MXRA7: variants seen among roughly 807,000 people sequenced by gnomAD.
The protein encoded by MXRA7 is matrix-remodeling-associated protein 7.
In MXRA7, 18 loss-of-function variants were observed where a neutral mutation model predicts 17.4. The ratio of observed to expected loss-of-function variants is 1.03; its 90% CI spans 0.71 to 1.53. The LOEUF (loss-of-function observed/expected upper bound fraction) is 1.53, where lower values mean the gene tolerates loss of function less well. MXRA7 is among the 40% of genes most tolerant of loss of function. The pLI is 0.00. For synonymous variants in MXRA7, 70 were observed against 101.7 expected, an observed-to-expected ratio of 0.69 and a Z score of 1.87; for missense variants, 141 against 209.3, an observed-to-expected ratio of 0.67 and a Z score of 2.01.
At chr17:76,683,064 C>T (rs766591793) in intron 3 of MXRA7, among the ~76,000 whole-genome samples, 10 of 152,330 alleles carry the variant, frequency 6.6e-5, no homozygotes, top group South Asian at 4.1e-4. Flanking sequence ...CACCCCCAGC[C>T]GGAGGCCTGG....
chr17:76,710,740 C>T lies in MXRA7; in HGVS notation c.207G>A (p.Ala69=). The change falls in exon 1 of 4, where the codon GCG becomes GCA. Residue 69 remains alanine, a synonymous_variant. Coordinates refer to ENST00000449428, the MANE Select transcript of MXRA7 (RefSeq NM_198530.4). ...CGGGCTCTCCAGGCTCCTCCGGCCC[C>T]GCGGGCGAGGCCGCCGGCTCGGGGG... ...PCAPEPAASP[A]GPEEPGEPAG... The T allele has an allele frequency of 8.9e-7, 1 of 1,120,620 alleles. No individual in the cohort carries two copies. Among genetic ancestry groups the T allele is most frequent in the Non-Finnish European group, 1.1e-6 (1 of 907,688 alleles). 69.4% of individuals were successfully genotyped at this position (1,120,620 alleles called of 1,614,324 possible).
At chr17:76,685,675 G>A (rs1418094064) in intron 2 of MXRA7, among the ~76,000 whole-genome samples, 1 of 152,260 alleles carries the variant, frequency 6.6e-6, no homozygotes, top group Non-Finnish European at 1.5e-5. Flanking sequence ...GTGTACCGCT[G>A]AAGAGGCAGA....
At chr17:76,699,254 T>TC (rs1008893385) in intron 1 of MXRA7, among the ~76,000 whole-genome samples, 1 of 150,816 alleles carries the variant, frequency 6.6e-6, no homozygotes, top group Non-Finnish European at 1.5e-5. Flanking sequence ...TAAGCAACCC[T>TC]CCCCCCTCAG....
chr17:76,710,576 G>C, intron 1 of MXRA7, 29 bp downstream of exon 1: 1 of 1,275,090 alleles, frequency 7.8e-7, no homozygotes, highest in Non-Finnish European at 9.9e-7. Context: ...CGGGGGTGGG[G>C]AGGGGGCCGC....
rs550675406 is a variant in MXRA7 at position 76,681,968 on chromosome 17, G to C, written c.501-1089C>G. Among the ~76,000 whole-genome samples the C allele has an allele frequency of 5.3e-5, 8 of 152,324 alleles. No individual in the cohort carries two copies. The highest frequency in any genetic ancestry group is 4.6e-4 in the Admixed American group (7 of 15,304). ...AGAGGCATGAAGTGTGTGAAACTCC[G>C]GCCCGAGGGGAGAGCTGAGGAGGCG... is the stretch of plus-strand genomic sequence containing the variant. On this transcript the variant is annotated intron_variant, in intron 3 of 3. Coordinates refer to ENST00000449428, the MANE Select transcript of MXRA7 (RefSeq NM_198530.4). The surrounding 1 kb of genome is among the most constrained non-coding windows in gnomAD (Gnocchi z 4.7).
In MXRA7 at chr17:76,683,553, C is replaced by T. The variant is rs571178731; in HGVS notation, c.500+1519G>A. On this transcript the variant is annotated intron_variant, in intron 3 of 3. Coordinates refer to ENST00000449428, the MANE Select transcript of MXRA7 (RefSeq NM_198530.4). Reference sequence around the variant, plus strand: ...TCCGAAGCCTGAGGTCCCAGGGTGACAGTTCCCCCAGCCTTGCGAGGGGGC... The same window carrying T: ...TCCGAAGCCTGAGGTCCCAGGGTGATAGTTCCCCCAGCCTTGCGAGGGGGC... Among the ~76,000 whole-genome samples the T allele has an allele frequency of 3.3e-5, 5 of 152,306 alleles. 1 individual carries two copies. In the South Asian group the frequency reaches 1.0e-3, roughly 32 times the overall value.
At chr17:76,703,688 T>C (rs1307450557) in intron 1 of MXRA7, 2 of 151,272 alleles carry the variant, frequency 1.3e-5, no homozygotes, top group African/African-American at 2.4e-5. Flanking sequence ...GTGACACTAA[T>C]GTTAACAAGT....
chr17:76,677,565 G>A (rs754478247), downstream of MXRA7: 6 of 1,545,736 alleles, frequency 3.9e-6, no homozygotes, highest in African/African-American at 2.7e-5. Flanking sequence ...AGGCATGGCC[G>A]CTGTGCATCC....
intron 1 of MXRA7, among the ~76,000 whole-genome samples, chr17:76,696,723 T>C (rs1011908597): frequency 6.6e-6 from 1 of 152,102 alleles, no homozygotes; most frequent in Admixed American, 6.5e-5. Flanking sequence ...CAAACTGCGA[T>C]GCTAAAGGCA....
intron 1 of MXRA7, among the ~76,000 whole-genome samples, chr17:76,705,726 G>A (rs1484799190): frequency 6.6e-6 from 1 of 152,154 alleles, no homozygotes; most frequent in Non-Finnish European, 1.5e-5. Flanking sequence ...GTGGCTGTCT[G>A]CAGGCCAAAA....
In MXRA7 at chr17:76,688,632, C is replaced by A. The variant is rs2076439445; in HGVS notation, c.343-456G>T. 3 of 1,242,798 alleles carry A rather than the reference C, an allele frequency of 2.4e-6. No individual in the cohort carries two copies. In the East Asian group the frequency reaches 9.4e-5, roughly 39 times the overall value. 77.0% of individuals were successfully genotyped at this position (1,242,798 alleles called of 1,614,324 possible). A position where few individuals can be genotyped will look rare whatever the true frequency, so the allele number is the denominator to read the frequency against. ...CTTCTATGTTGTTTTCCATCCCCAACTCTCTCAGTGTCCATGTTCCCAAAA... is the reference window on the plus strand; with the variant it reads ...CTTCTATGTTGTTTTCCATCCCCAAATCTCTCAGTGTCCATGTTCCCAAAA... On this transcript the variant is annotated intron_variant, in intron 1 of 3. Coordinates refer to ENST00000449428, the MANE Select transcript of MXRA7 (RefSeq NM_198530.4).
rs898403951 is a variant in MXRA7 at position 76,681,947 on chromosome 17, G to T, written c.501-1068C>A. Among the ~76,000 whole-genome samples, 1 of 152,232 alleles carries T rather than the reference G, an allele frequency of 6.6e-6. No homozygotes were observed. The highest frequency in any genetic ancestry group is 2.1e-4 in the South Asian group (1 of 4,838). On this transcript the variant is annotated intron_variant, in intron 3 of 3. Transcript: ENST00000449428. This position sits in a 1 kb window ranked among gnomAD's most constrained non-coding sequence, Gnocchi z 4.7. ...GCGGAACCCAGGGACGCCACCAGAG[G>T]CATGAAGTGTGTGAAACTCCGGCCC...
chr17:76,684,562 C>A, intron 3 of MXRA7: 1 of 326,766 alleles, frequency 3.1e-6, no homozygotes, highest in Non-Finnish European at 6.1e-6. Context: ...GAAGGGGGAG[C>A]CAATTCCAAC....
chr17:76,683,022 C>T (rs2076328887), intron 3 of MXRA7, among the ~76,000 whole-genome samples: 1 of 152,140 alleles, frequency 6.6e-6, no homozygotes, highest in Admixed American at 6.5e-5. Flanking sequence ...TGCCAAGGTC[C>T]CAGCTCTGGA....
chr17:76,689,510 T>C (rs1461742281), intron 1 of MXRA7: 2 of 152,200 alleles, frequency 1.3e-5, no homozygotes, highest in African/African-American at 2.4e-5. Context: ...GGCGAAGTGG[T>C]GCCTGTGTGT....
intron 1 of MXRA7, among the ~76,000 whole-genome samples, chr17:76,708,064 T>C (rs2076681313): frequency 6.6e-6 from 1 of 152,230 alleles, no homozygotes; most frequent in Non-Finnish European, 1.5e-5. Flanking sequence ...CTTTGGTCCA[T>C]TTCCAGGGTC....
intron 1 of MXRA7, among the ~76,000 whole-genome samples, chr17:76,709,262 C>T (rs1169196645): frequency 2.0e-5 from 3 of 152,136 alleles, no homozygotes; most frequent in Non-Finnish European, 4.4e-5. Flanking sequence ...CGCGAGACCT[C>T]GATGGAGGCA....
At chr17:76,702,904 C>T (rs980195591) in intron 1 of MXRA7, among the ~76,000 whole-genome samples, 5 of 75,366 alleles carry the variant, frequency 6.6e-5, no homozygotes, top group Non-Finnish European at 1.8e-4. Flanking sequence ...GAGGAGGCCT[C>T]ACCATAGGAA....
intron 1 of MXRA7, chr17:76,710,185 A>G (rs188758265): frequency 1.3e-5 from 2 of 153,750 alleles, no homozygotes; most frequent in Admixed American, 6.5e-5. Context: ...AAACATCAAG[A>G]TAACTCTCAT....
Sources: gnomAD v4.1 joint callset for allele counts (sites outside exome capture counted in the v4.1 genomes callset) on GRCh38, gnomAD v4.1.1 for gene constraint, Gnocchi (gnomAD v3.1) non-coding constraint, MANE v1.5 for transcripts, NCBI Gene and HGNC (gene_info 2026-07-23, HGNC 2026-07-21) for gene names.